The following PTPN2 variants were observed in gnomAD, a reference collection of about 807,000 sequenced individuals.
The protein encoded by PTPN2 is tyrosine-protein phosphatase non-receptor type 2.
Under a neutral mutation model 57.3 loss-of-function variants are expected in PTPN2, and 19 were observed. The ratio of observed to expected loss-of-function variants is 0.33; its 90% confidence interval spans 0.23 to 0.49. The LOEUF is 0.49. Among genes scored for constraint, PTPN2 ranks in the 20% least tolerant of loss-of-function variants. The pLI is 0.99. For synonymous variants in PTPN2, 153 were observed against 164.9 expected (o/e 0.93, Z 0.55); for missense variants, 358 against 501.1 (o/e 0.71, Z 2.73).
At chr18:12,860,148 G>A (rs2043743276) in intron 1 of PTPN2, among the ~76,000 whole-genome samples, 1 of 152,060 alleles carries the variant, frequency 6.6e-6, no homozygotes, top group African/African-American at 2.4e-5. Flanking sequence ...AATCAGCTAG[G>A]CGTGGTGATG....
chr18:12,871,783 T>A (rs1598890233), intron 1 of PTPN2, among the ~76,000 whole-genome samples: 1 of 152,216 alleles, frequency 6.6e-6, no homozygotes, highest in Non-Finnish European at 1.5e-5. Context: ...GGCAGGCATG[T>A]TGGCTCACAT....
chr18:12,827,215 C>T (rs993235811), intron 4 of PTPN2, among the ~76,000 whole-genome samples: 3 of 151,774 alleles, frequency 2.0e-5, no homozygotes, highest in Non-Finnish European at 2.9e-5. Context: ...TGGTGGTGGA[C>T]GCCTGTAGCC....
At chr18:12,861,271 G>A (rs1003375794) in intron 1 of PTPN2, among the ~76,000 whole-genome samples, 9 of 152,152 alleles carry the variant, frequency 5.9e-5, no homozygotes, top group Non-Finnish European at 7.3e-5. Flanking sequence ...GCCTGCACGT[G>A]GAAGAGAAAT....
In PTPN2 at chr18:12,794,348, C is replaced by T. The variant is rs751031063; in HGVS notation, c.1178G>A (p.Gly393Glu). 1.9e-6 allele frequency: 3 copies of T among 1,614,122 alleles called. No homozygotes were observed. The highest frequency in any genetic ancestry group is 2.2e-5 in the East Asian group (1 of 44,884). ...GCCAACCAAAATGACTGACATAAACCCCATCTTAGTGAGAATAGGTTGCCA... is the reference window on the plus strand; with the variant it reads ...GCCAACCAAAATGACTGACATAAACTCCATCTTAGTGAGAATAGGTTGCCA... ...LYWQPILTKM[G>E]FMSVILVGAF... The change falls in exon 9 of 9, where the codon GGG becomes GAG. Residue 393 changes from glycine to glutamate, a missense_variant. Physicochemically the swap from Gly to Glu is moderately conservative, Grantham distance 98 (BLOSUM62 -2). Coordinates refer to ENST00000309660, the MANE Select transcript of PTPN2 (RefSeq NM_002828.4).
intron 1 of PTPN2, among the ~76,000 whole-genome samples, chr18:12,867,697 G>A (rs2145500194): frequency 6.6e-6 from 1 of 152,070 alleles, no homozygotes; most frequent in East Asian, 1.9e-4. Flanking sequence ...CTCTCCTAAC[G>A]CTCATTTCGC....
intron 1 of PTPN2, among the ~76,000 whole-genome samples, chr18:12,868,483 T>C (rs1156232592): frequency 6.6e-6 from 1 of 152,056 alleles, no homozygotes; most frequent in East Asian, 2.0e-4. Context: ...CTTGAACTAC[T>C]GACCTCAGGT....
intron 7 of PTPN2, among the ~76,000 whole-genome samples, chr18:12,813,778 C>A (rs2041975259): frequency 6.6e-6 from 1 of 152,104 alleles, no homozygotes. Flanking sequence ...AAGCCACCAA[C>A]CAGAAGAATA....
At chr18:12,833,400 A>T (rs1321162493) in intron 3 of PTPN2, among the ~76,000 whole-genome samples, 1 of 152,168 alleles carries the variant, frequency 6.6e-6, no homozygotes, top group Non-Finnish European at 1.5e-5. Flanking sequence ...AGGTAGAAGG[A>T]GAAGTACTTG....
chr18:12,799,994 T>C (rs1456450367), intron 8 of PTPN2, among the ~76,000 whole-genome samples: 1 of 152,116 alleles, frequency 6.6e-6, no homozygotes, highest in Non-Finnish European at 1.5e-5. Context: ...AATTCTGACT[T>C]TTCTGTTGGG....
At chr18:12,816,735 T>C (rs1568105541) in intron 6 of PTPN2, among the ~76,000 whole-genome samples, 1 of 152,216 alleles carries the variant, frequency 6.6e-6, no homozygotes, top group Admixed American at 6.5e-5. Flanking sequence ...GTCTCCTTAA[T>C]GTATTAATTC....
intron 7 of PTPN2, among the ~76,000 whole-genome samples, chr18:12,805,666 G>A (rs549044043): frequency 1.4e-5 from 2 of 143,360 alleles, no homozygotes; most frequent in South Asian, 4.4e-4. Flanking sequence ...TTGAGATGGA[G>A]TCTTGCTCTG....
chr18:12,884,162 G>A lies in PTPN2; in HGVS notation c.-21C>T, dbSNP rs376251032. 1.9e-6 allele frequency: 3 copies of A among 1,567,788 alleles called. No individual in the cohort carries two copies. The highest frequency in any genetic ancestry group is 1.2e-5 in the South Asian group (1 of 85,640). On this transcript the variant is annotated 5_prime_UTR_variant, in exon 1 of 9. Coordinates refer to ENST00000309660, the MANE Select transcript of PTPN2 (RefSeq NM_002828.4). ...GGCATGGCTGCGGGAGCGAGCTGGC[G>A]CGAGCAGAGCCTGCGCCGGCGGAGA...
intron 2 of PTPN2, chr18:12,840,639 G>C (rs920183760): frequency 6.6e-7 from 1 of 1,514,450 alleles, no homozygotes; most frequent in South Asian, 1.2e-5. Flanking sequence ...GTCACTCAGG[G>C]AAGTCAAGTC....
Position 12,836,818 on chromosome 18 carries a change from CTCT to C in PTPN2, c.231_233del (p.Glu78del). ...GTGTTAAGATGTAACTCCTTTGTGC[CTCT>C]TCTATGTCAACTAAACTGGCATTAA... On this transcript the variant is annotated inframe_deletion, in exon 3 of 9. Transcript: ENST00000309660. 1 of 1,608,912 alleles carries C rather than the reference CTCT, an allele frequency of 6.2e-7. No homozygotes were observed. The highest frequency in any genetic ancestry group is 8.5e-7 in the Non-Finnish European group (1 of 1,177,380).
chr18:12,846,663 T>C (rs1447977789), intron 2 of PTPN2, among the ~76,000 whole-genome samples: 5 of 152,242 alleles, frequency 3.3e-5, no homozygotes. Flanking sequence ...CAAAGCTCTA[T>C]TCTCCTCCTA....
rs760767091 is a variant in PTPN2 at position 12,859,154 on chromosome 18, A to G, written c.160+10T>C. ...AAAATACACATGCACACAAACCCACAAGTACTTACATGGGCTTACATCTCT... is the reference window on the plus strand; with the variant it reads ...AAAATACACATGCACACAAACCCACGAGTACTTACATGGGCTTACATCTCT... On this transcript the variant is annotated intron_variant, in intron 2 of 8. Transcript: ENST00000309660. The G allele has an allele frequency of 1.9e-6, 3 of 1,606,262 alleles. No individual in the cohort carries two copies. Among genetic ancestry groups the G allele is most frequent in the Non-Finnish European group, 2.6e-6 (3 of 1,173,702 alleles).
chr18:12,845,255 T>C (rs891793448), intron 2 of PTPN2, among the ~76,000 whole-genome samples: 4 of 152,202 alleles, frequency 2.6e-5, no homozygotes, highest in South Asian at 4.1e-4. Flanking sequence ...TGAGTCACTA[T>C]AGATCTATAG....
downstream of PTPN2, among the ~76,000 whole-genome samples, chr18:12,789,826 TTTA>T (rs1286924854): frequency 1.3e-5 from 2 of 151,858 alleles, no homozygotes; most frequent in South Asian, 2.1e-4. Flanking sequence ...TTAAAATATC[TTTA>T]TTTTTATATC....
chr18:12,827,645 A>G (rs895777220), intron 4 of PTPN2, among the ~76,000 whole-genome samples: 1 of 151,856 alleles, frequency 6.6e-6, no homozygotes, highest in African/African-American at 2.4e-5. Context: ...TCAGCCTCCC[A>G]AAGTGCTGGG....
Sources: allele counts gnomAD v4.1 joint callset (sites outside exome capture counted in the v4.1 genomes callset), GRCh38; gene constraint gnomAD v4.1.1; transcripts MANE v1.5; gene names NCBI Gene and HGNC (gene_info 2026-07-23, HGNC 2026-07-21).